The following GFPT1 variants were observed in gnomAD, a reference collection of about 807,000 sequenced individuals.
GFPT1 encodes glutamine--fructose-6-phosphate transaminase 1, also known as glutamine--fructose-6-phosphate aminotransferase [isomerizing] 1.
GFPT1 carries 40 observed loss-of-function variants against 92.0 expected under a neutral mutation model. The observed-to-expected ratio is 0.43, with a 90% CI of 0.34 to 0.57. The LOEUF (loss-of-function observed/expected upper bound fraction) is 0.57, where lower values mean the gene tolerates loss of function less well. Among genes scored for constraint, GFPT1 ranks in the 20% least tolerant of loss-of-function variants. The probability of loss-of-function intolerance (pLI) is 0.02; values close to 1 mark genes in which losing one functional copy is unlikely to be tolerated. For missense variants in GFPT1, 448 were observed against 869.1 expected (o/e 0.52, Z 6.09); for synonymous variants, 269 against 280.6 (o/e 0.96, Z 0.41).
Position 69,374,109 on chromosome 2 carries a change from T to C in GFPT1, c.12A>G (p.Ile4Met). 2 of 1,475,478 alleles carry C rather than the reference T, an allele frequency of 1.4e-6. No individual in the cohort carries two copies. The highest frequency in any genetic ancestry group is 1.1e-5 in the South Asian group (1 of 87,202). The allele number at this position is 1,475,478 out of a possible 1,614,324, so 91.4% of individuals were successfully genotyped here. A position where few individuals can be genotyped will look rare whatever the true frequency, so the allele number is the denominator to read the frequency against. ...GAACATGGTAGTTTAAGTAAGCAAA[T>C]ATACCTGCAAATAAACAAATATTTA... MCG[I>M]FAYLNYHVPR... Residue 4 changes from isoleucine to methionine, a missense_variant, in exon 2 of 20, where the codon ATA becomes ATG. Physicochemically the swap from Ile to Met is conservative, Grantham distance 10 (BLOSUM62 1). Transcript: ENST00000357308.
intron 19 of GFPT1, among the ~76,000 whole-genome samples, chr2:69,326,529 C>T (rs1574038700): frequency 6.6e-6 from 1 of 152,160 alleles, no homozygotes; most frequent in East Asian, 1.9e-4. Flanking sequence ...AAAACAAAAG[C>T]ACTATGTTTT....
intron 6 of GFPT1, among the ~76,000 whole-genome samples, chr2:69,357,029 C>A (rs2104653079): frequency 6.6e-6 from 1 of 152,264 alleles, no homozygotes. Context: ...CCACGCGCAG[C>A]CAAGACCCAC....
intron 9 of GFPT1, 96 bp downstream of exon 9, chr2:69,354,163 C>T (rs1303967572): frequency 3.7e-6 from 3 of 803,548 alleles, no homozygotes; most frequent in Non-Finnish European, 5.8e-6. Flanking sequence ...TTTTTAGAGG[C>T]CCAGCACATT....
rs1408684243 is a variant in GFPT1, at chr2:69,320,154, A to C, written c.*6035T>G. On this transcript the variant is annotated 3_prime_UTR_variant, in exon 20 of 20. Coordinates refer to ENST00000357308, the MANE Select transcript of GFPT1 (RefSeq NM_001244710.2). ...AACCTAAAAGGGAGCTACTGGCAGAAATAAAAACTAGTGATACTGATAACA... is the reference window on the plus strand; with the variant it reads ...AACCTAAAAGGGAGCTACTGGCAGACATAAAAACTAGTGATACTGATAACA... The C allele has an allele frequency of 1.3e-5, 2 of 152,250 alleles. No homozygotes were observed. The highest frequency in any genetic ancestry group is 4.8e-5 in the African/African-American group (2 of 41,456). 9.4% of individuals were successfully genotyped at this position (152,250 alleles called of 1,614,324 possible).
intron 2 of GFPT1, among the ~76,000 whole-genome samples, chr2:69,373,783 C>T (rs1280660246): frequency 6.6e-6 from 1 of 152,056 alleles, no homozygotes; most frequent in African/African-American, 2.4e-5. Flanking sequence ...GATGTTTTTA[C>T]AATAATATTC....
chr2:69,348,798 A>C (rs935910482), intron 10 of GFPT1, among the ~76,000 whole-genome samples: 1 of 152,134 alleles, frequency 6.6e-6, no homozygotes, highest in Non-Finnish European at 1.5e-5. Flanking sequence ...AACAACTCTA[A>C]TAAAGATTTC....
Position 69,354,250 on chromosome 2 carries a change from A to G in GFPT1, c.739+9T>C, listed in dbSNP as rs1340034774. The G allele has an allele frequency of 1.3e-6, 2 of 1,573,412 alleles. No homozygotes were observed. The highest frequency in any genetic ancestry group is 4.5e-5 in the East Asian group (2 of 44,568). ...GATCCTCCCCATCCATGCAGAGTGCATTTCCCACCTCTTTCTCCCTGTGAT... is the reference window on the plus strand; with the variant it reads ...GATCCTCCCCATCCATGCAGAGTGCGTTTCCCACCTCTTTCTCCCTGTGAT... On this transcript the variant is annotated intron_variant, in intron 9 of 19. Transcript: ENST00000357308.
intron 9 of GFPT1, among the ~76,000 whole-genome samples, chr2:69,351,567 G>A (rs1378433360): frequency 1.3e-5 from 2 of 152,022 alleles, no homozygotes; most frequent in South Asian, 4.2e-4. Flanking sequence ...ATTATACATT[G>A]TACACATGTA....
In GFPT1 at chr2:69,378,498, C is replaced by T. The variant is rs147541361; in HGVS notation, c.8-4385G>A. 2.3e-3 allele frequency among the ~76,000 whole-genome samples: 346 copies of T among 152,278 alleles called. 1 individual carries two copies. Among genetic ancestry groups the T allele is most frequent in the African/African-American group, 7.9e-3 (329 of 41,540 alleles). On this transcript the variant is annotated intron_variant, in intron 1 of 19. Transcript: ENST00000357308. ...GGAATATACTTGGAATAAAATAACT[C>T]CATAACTGAAGCAGATGCTTGAACC...
intron 4 of GFPT1, among the ~76,000 whole-genome samples, chr2:69,360,224 G>A (rs2104659065): frequency 6.6e-6 from 1 of 151,620 alleles, no homozygotes; most frequent in South Asian, 2.1e-4. Context: ...AGCTACTTGG[G>A]AGGCTGAGGC....
At chr2:69,374,737 C>A (rs1157909041) in intron 1 of GFPT1, among the ~76,000 whole-genome samples, 2 of 152,026 alleles carry the variant, frequency 1.3e-5, no homozygotes, top group Non-Finnish European at 2.9e-5. Context: ...CATTTCGTTT[C>A]AAGAAAAAAA....
rs1226794371 is a variant in GFPT1 at position 69,321,969 on chromosome 2, A to T, written c.*4220T>A. On this transcript the variant is annotated 3_prime_UTR_variant, in exon 20 of 20. Transcript: ENST00000357308. Reference sequence around the variant, plus strand: ...CCCTGGATATTATTGGTTTGAAGCTAATATTATCAGTCCTATTGGCTGTCA... The same window carrying T: ...CCCTGGATATTATTGGTTTGAAGCTTATATTATCAGTCCTATTGGCTGTCA... The T allele has an allele frequency of 3.3e-5, 5 of 152,190 alleles. No individual in the cohort carries two copies. The highest frequency in any genetic ancestry group is 1.2e-4 in the African/African-American group (5 of 41,450). The allele number at this position is 152,190 out of a possible 1,614,324, so 9.4% of individuals were successfully genotyped here.
intron 1 of GFPT1, among the ~76,000 whole-genome samples, chr2:69,383,592 C>T (rs530716141): frequency 6.6e-6 from 1 of 152,212 alleles, no homozygotes; most frequent in Non-Finnish European, 1.5e-5. Context: ...ATCTCATTTG[C>T]AAACATTCCA....
intron 6 of GFPT1, among the ~76,000 whole-genome samples, 193 bp downstream of exon 6, chr2:69,358,136 G>C (rs531101152): frequency 6.6e-6 from 1 of 151,984 alleles, no homozygotes; most frequent in Admixed American, 6.6e-5. Flanking sequence ...GAAGTAAGTA[G>C]AATTTTAAAT....
intron 1 of GFPT1, among the ~76,000 whole-genome samples, chr2:69,383,622 A>G (rs1672061178): frequency 6.6e-6 from 1 of 151,994 alleles, no homozygotes; most frequent in Non-Finnish European, 1.5e-5. Flanking sequence ...TTATTTATTT[A>G]CTTATTTATT....
intron 15 of GFPT1, among the ~76,000 whole-genome samples, chr2:69,330,058 A>C (rs1670623894): frequency 6.6e-6 from 1 of 152,254 alleles, no homozygotes; most frequent in Admixed American, 6.5e-5. Flanking sequence ...TCTCTAAAAA[A>C]AATACAAAAA....
At chr2:69,380,858 T>G (rs1280257196) in intron 1 of GFPT1, among the ~76,000 whole-genome samples, 1 of 152,230 alleles carries the variant, frequency 6.6e-6, no homozygotes, top group East Asian at 1.9e-4. Flanking sequence ...ATTCATCACT[T>G]GCTTAACTTT....
chr2:69,350,485 C>T (rs915358872), intron 9 of GFPT1, among the ~76,000 whole-genome samples: 7 of 151,548 alleles, frequency 4.6e-5, no homozygotes, highest in Middle Eastern at 6.8e-3. Flanking sequence ...TAATATTAAC[C>T]GGTTTTTTAA....
intron 1 of GFPT1, among the ~76,000 whole-genome samples, chr2:69,376,659 T>G (rs1423894584): frequency 6.6e-6 from 1 of 152,200 alleles, no homozygotes; most frequent in African/African-American, 2.4e-5. Context: ...GTTTGCAGAT[T>G]GTCCAGAGCT....
Sources: allele counts gnomAD v4.1 joint callset (sites outside exome capture counted in the v4.1 genomes callset), GRCh38; gene constraint gnomAD v4.1.1; transcripts MANE v1.5; gene names NCBI Gene and HGNC (gene_info 2026-07-23, HGNC 2026-07-21).